PCDHA5: variants seen among roughly 807,000 people sequenced by gnomAD.
PCDHA5 encodes the protein protocadherin alpha-5.
Under a neutral mutation model 61.6 loss-of-function variants are expected in PCDHA5, and 43 were observed. The observed-to-expected ratio is 0.70, with a 90% CI of 0.55 to 0.90. PCDHA5 has a LOEUF of 0.90. Among genes scored for constraint, PCDHA5 ranks in the 40% least tolerant of loss-of-function variants. The pLI, the probability that PCDHA5 is intolerant of heterozygous loss-of-function variation, is 0.00. For synonymous variants in PCDHA5, 627 were observed against 543.9 expected, an observed-to-expected ratio of 1.15 and a Z score of -2.13; for missense variants, 1,298 against 1,222.7, an observed-to-expected ratio of 1.06 and a Z score of -0.92.
intron 1 of PCDHA5, among the ~76,000 whole-genome samples, chr5:140,890,258 A>G (rs2062565845): frequency 6.6e-6 from 1 of 152,030 alleles, no homozygotes; most frequent in East Asian, 1.9e-4. Flanking sequence ...ACTGCACCTG[A>G]TTGCAAGCAA....
chr5:140,823,347 C>T lies in PCDHA5; in HGVS notation c.1572C>T (p.His524=). The change falls in exon 1 of 4, where the codon CAC becomes CAT. Residue 524 remains histidine (H), a synonymous_variant. Coordinates refer to ENST00000529859, the MANE Select transcript of PCDHA5 (RefSeq NM_018908.3). ...GKVYALQPLD[H]EEVELLQFQV... is the part of the protein sequence containing the mutation. ...TGTACGCGCTGCAGCCGCTGGACCACGAGGAAGTGGAGCTGCTGCAGTTCC... is the reference window on the plus strand; with the variant it reads ...TGTACGCGCTGCAGCCGCTGGACCATGAGGAAGTGGAGCTGCTGCAGTTCC... The T allele has an allele frequency of 1.1e-5, 17 of 1,612,418 alleles. No homozygotes were observed. The highest frequency in any genetic ancestry group is 1.4e-5 in the Non-Finnish European group (16 of 1,179,778).
intron 1 of PCDHA5, chr5:140,857,941 T>C (rs1294613928): frequency 6.3e-7 from 1 of 1,597,330 alleles, no homozygotes; most frequent in Non-Finnish European, 8.6e-7. Flanking sequence ...GCGAGATCAG[T>C]ACGACGCGCG....
intron 1 of PCDHA5, among the ~76,000 whole-genome samples, chr5:140,926,200 G>A (rs1050721250): frequency 6.6e-6 from 1 of 151,674 alleles, no homozygotes; most frequent in Non-Finnish European, 1.5e-5. Context: ...ACTTCTTTCG[G>A]GGGGCTCCTG....
At chr5:140,845,315 ATTACT>A (rs1156413358) in intron 1 of PCDHA5, among the ~76,000 whole-genome samples, 1 of 149,596 alleles carries the variant, frequency 6.7e-6, no homozygotes, top group Non-Finnish European at 1.5e-5. Context: ...GTTCTCAGGT[ATTACT>A]TTAATTACTG....
At chr5:140,834,962 A>G (rs1773396463) in intron 1 of PCDHA5, 1 of 1,519,622 alleles carries the variant, frequency 6.6e-7, no homozygotes, top group East Asian at 2.4e-5. Context: ...AACCTCTTGG[A>G]CTTGTATTAC....
chr5:140,982,992 A>G (rs1413932820), intron 3 of PCDHA5, among the ~76,000 whole-genome samples: 1 of 151,958 alleles, frequency 6.6e-6, no homozygotes, highest in African/African-American at 2.4e-5. Flanking sequence ...GAGAAAAAGA[A>G]GGAAAGAAAG....
intron 1 of PCDHA5, chr5:140,827,813 G>T (rs1489929316): frequency 5.5e-6 from 2 of 360,766 alleles, no homozygotes; most frequent in Admixed American, 4.3e-5. Flanking sequence ...CGTGAGGAGG[G>T]TTTACTATAA....
At chr5:140,938,002 G>A (rs1396127552) in intron 1 of PCDHA5, among the ~76,000 whole-genome samples, 1 of 151,938 alleles carries the variant, frequency 6.6e-6, no homozygotes, top group Non-Finnish European at 1.5e-5. Context: ...TGTATCCAAT[G>A]TTCTTGCTAA....
At chr5:140,846,436 G>A (rs191314082) in intron 1 of PCDHA5, among the ~76,000 whole-genome samples, 18 of 131,380 alleles carry the variant, frequency 1.4e-4, no homozygotes, top group African/African-American at 3.7e-4. Flanking sequence ...ATGCAGTGGC[G>A]CAATCTCGGC....
intron 2 of PCDHA5, 91 bp downstream of exon 2, chr5:140,979,098 A>C: frequency 1.3e-6 from 2 of 1,547,480 alleles, no homozygotes; most frequent in East Asian, 2.3e-5. Flanking sequence ...AGCAGCTGTC[A>C]AAACTAAAAA....
intron 1 of PCDHA5, chr5:140,884,152 T>C (rs1279761986): frequency 1.9e-6 from 3 of 1,613,332 alleles, no homozygotes; most frequent in East Asian, 2.2e-5. Flanking sequence ...GGCTGTACAC[T>C]GGCGAGATCA....
At chr5:140,912,648 A>G (rs1161381718) in intron 1 of PCDHA5, among the ~76,000 whole-genome samples, 1 of 152,164 alleles carries the variant, frequency 6.6e-6, no homozygotes, top group African/African-American at 2.4e-5. Flanking sequence ...TATGTTGAAT[A>G]GAAGTGGTGA....
chr5:140,967,460 G>A, intron 1 of PCDHA5: 1 of 1,613,538 alleles, frequency 6.2e-7, no homozygotes, highest in Non-Finnish European at 8.5e-7. Context: ...AGCCGTGGAT[G>A]GGGGCATCCC....
chr5:140,822,243 G>A lies in PCDHA5; in HGVS notation c.468G>A (p.Ala156=), dbSNP rs2150114837. 7.4e-6 allele frequency: 12 copies of A among 1,614,136 alleles called. No homozygotes were observed. Among genetic ancestry groups the A allele is most frequent in the Non-Finnish European group, 1.0e-5 (12 of 1,180,056 alleles). The change falls in exon 1 of 4, where the codon GCG becomes GCA. Residue 156 remains alanine (A), a synonymous_variant. Transcript: ENST00000529859. ...MPDSRFPLEG[A]SDLDIGANAQ... is the part of the protein sequence containing the mutation. ...ATTCGCGGTTTCCGCTAGAGGGCGC[G>A]TCGGATTTGGATATTGGAGCAAATG...
intron 1 of PCDHA5, chr5:140,827,959 T>C: frequency 7.6e-7 from 1 of 1,307,212 alleles, no homozygotes; most frequent in Non-Finnish European, 1.1e-6. Flanking sequence ...AAATTTCTTC[T>C]ATTACTGCAT....
At position 141,010,023 on chromosome 5, in the gene PCDHA5, C is replaced by T. The variant is rs1196328903; in HGVS notation, c.*86C>T. Reference sequence around the variant, plus strand: ...TGTAGCAATTCCCTGCTCCTTTTTCCTATCTACATGAGCCCTCTTAGAGAC... The same window carrying T: ...TGTAGCAATTCCCTGCTCCTTTTTCTTATCTACATGAGCCCTCTTAGAGAC... On this transcript the variant is annotated 3_prime_UTR_variant, in exon 4 of 4. Transcript: ENST00000529859. 10 of 1,571,304 alleles carry T rather than the reference C, an allele frequency of 6.4e-6. No homozygotes were observed. Among genetic ancestry groups the T allele is most frequent in the Non-Finnish European group, 8.6e-6 (10 of 1,163,016 alleles).
rs2150226438 is a variant in PCDHA5, at chr5:140,834,780, T to A, written c.2352+10653T>A. ...GGACATTAACGACAACCCTCCGGTGTTCCCAGCGACACAAAGGAATCTGTT... is the reference window on the plus strand; with the variant it reads ...GGACATTAACGACAACCCTCCGGTGATCCCAGCGACACAAAGGAATCTGTT... On this transcript the variant is annotated intron_variant, in intron 1 of 3. Coordinates refer to ENST00000529859, the MANE Select transcript of PCDHA5 (RefSeq NM_018908.3). 3.1e-6 allele frequency: 5 copies of A among 1,613,846 alleles called. No homozygotes were observed. The South Asian group carries it at 3.3e-5, about 11-fold the overall frequency.
chr5:140,996,141 A>G (rs1238682290), intron 3 of PCDHA5, among the ~76,000 whole-genome samples: 1 of 152,182 alleles, frequency 6.6e-6, no homozygotes, highest in Admixed American at 6.5e-5. Context: ...TTCTCCCATT[A>G]TCTTGCCTTC....
intron 3 of PCDHA5, among the ~76,000 whole-genome samples, chr5:140,994,753 G>A (rs143791883): frequency 1.1e-4 from 16 of 152,252 alleles, no homozygotes; most frequent in African/African-American, 3.9e-4. Context: ...AGTAGGATGT[G>A]GAGAGGAAGA....
Sources: gnomAD v4.1 joint callset for allele counts (sites outside exome capture counted in the v4.1 genomes callset) on GRCh38, gnomAD v4.1.1 for gene constraint, MANE v1.5 for transcripts, NCBI Gene and HGNC (gene_info 2026-07-23, HGNC 2026-07-21) for gene names.